The following BMP5 variants were observed in gnomAD, a reference collection of about 807,000 sequenced individuals.
BMP5 encodes bone morphogenetic protein 5.
In BMP5, 23 loss-of-function variants were observed where a neutral mutation model predicts 46.6. That is an observed-to-expected ratio of 0.49 (90% confidence interval 0.35 to 0.70). BMP5 has a LOEUF of 0.70. Ranked by LOEUF, BMP5 falls within the 30% of genes least tolerant of loss-of-function variation. The probability of loss-of-function intolerance (pLI) is 0.00; values close to 1 mark genes in which losing one functional copy is unlikely to be tolerated. For missense variants in BMP5, 545 were observed against 565.6 expected, an observed-to-expected ratio of 0.96 and a Z score of 0.37; for synonymous variants, 204 against 191.9, an observed-to-expected ratio of 1.06 and a Z score of -0.52.
At chr6:55,812,531 C>T (rs1776160238) in intron 2 of BMP5, among the ~76,000 whole-genome samples, 1 of 152,176 alleles carries the variant, frequency 6.6e-6, no homozygotes. Context: ...ATCTCCCTTA[C>T]CCAGCCAGTC....
Position 55,763,835 on chromosome 6 carries a change from T to C in BMP5, c.1028-3302A>G, listed in dbSNP as rs1436322685. On this transcript the variant is annotated intron_variant, in intron 4 of 6. Coordinates refer to ENST00000370830, the MANE Select transcript of BMP5 (RefSeq NM_021073.4). ...ATAGTAAACATATTGCTAAATACTT[T>C]ATGCAAATTTCTTTATGGTCAATTT... 3.3e-5 allele frequency among the ~76,000 whole-genome samples: 5 copies of C among 152,222 alleles called. No homozygotes were observed. In the East Asian group the frequency reaches 7.7e-4, roughly 23 times the overall value.
At chr6:55,870,778 G>C (rs144998880) in intron 1 of BMP5, among the ~76,000 whole-genome samples, 1 of 151,974 alleles carries the variant, frequency 6.6e-6, no homozygotes, top group Non-Finnish European at 1.5e-5. Context: ...GGCAAAAAAG[G>C]TTTAGTTTTT....
rs549796941 is a variant in BMP5, at chr6:55,855,722, CA to C, written c.490+18653del. The stretch of plus-strand genomic sequence containing the variant: ...TATTCTGATATTTTTCTTTTGGTAC[CA>C]AACTTCCAAACACATTAATTTATCA... On this transcript the variant is annotated intron_variant, in intron 1 of 6. Transcript: ENST00000370830. 4.9e-4 allele frequency among the ~76,000 whole-genome samples: 74 copies of C among 152,070 alleles called. No homozygotes were observed. The Middle Eastern group carries it at 0.021, about 42-fold the overall frequency.
At chr6:55,841,073 T>C (rs1776936321) in intron 1 of BMP5, among the ~76,000 whole-genome samples, 1 of 152,154 alleles carries the variant, frequency 6.6e-6, no homozygotes, top group African/African-American at 2.4e-5. Flanking sequence ...TAACTGTGCA[T>C]GCAAGGGATC....
chr6:55,873,028 C>T (rs1777821080), intron 1 of BMP5, among the ~76,000 whole-genome samples: 1 of 151,814 alleles, frequency 6.6e-6, no homozygotes, highest in Non-Finnish European at 1.5e-5. Flanking sequence ...ATTAGTGCAA[C>T]AAATTATGAC....
chr6:55,779,242 G>C (rs939112912), intron 3 of BMP5, among the ~76,000 whole-genome samples: 2 of 151,998 alleles, frequency 1.3e-5, no homozygotes, highest in Non-Finnish European at 2.9e-5. Context: ...ATATCACTTT[G>C]AGATGTTAGC....
At chr6:55,823,619 G>T (rs1036379441) in intron 1 of BMP5, among the ~76,000 whole-genome samples, 1 of 151,904 alleles carries the variant, frequency 6.6e-6, no homozygotes, top group African/African-American at 2.4e-5. Context: ...TAACACAGCC[G>T]GAGTGTGTTT....
chr6:55,798,564 G>A (rs982504262), intron 2 of BMP5, among the ~76,000 whole-genome samples: 2 of 151,940 alleles, frequency 1.3e-5, no homozygotes, highest in Admixed American at 6.6e-5. Context: ...TTCCTCTATG[G>A]TTAATAAAGT....
Position 55,774,162 on chromosome 6 carries a change from A to C in BMP5, c.914T>G (p.Phe305Cys). Reference sequence around the variant, plus strand: ...TCGAAGAAGTACCTCACTCGCCTTGAAGAAGGCCACCATGAATGGTTGTTT... The same window carrying C: ...TCGAAGAAGTACCTCACTCGCCTTGCAGAAGGCCACCATGAATGGTTGTTT... ...QSKQPFMVAFFKASEVLLRSV... is the reference protein window; with the variant it reads ...QSKQPFMVAFCKASEVLLRSV... Residue 305 changes from phenylalanine (F) to cysteine (C), a missense_variant, in exon 4 of 7, where the codon TTC becomes TGC. Physicochemically the swap from Phe to Cys is radical, Grantham distance 205 (BLOSUM62 -2). Coordinates refer to ENST00000370830, the MANE Select transcript of BMP5 (RefSeq NM_021073.4). 1 of 1,613,116 alleles carries C rather than the reference A, an allele frequency of 6.2e-7. No homozygotes were observed. Among genetic ancestry groups the C allele is most frequent in the Non-Finnish European group, 8.5e-7 (1 of 1,179,424 alleles).
At chr6:55,759,171 A>AAAAAAAAAAAAAAAAAAAAAAAAAAAAC in intron 5 of BMP5, 56 bp from the exon 6 acceptor site, 3 of 829,912 alleles carry the variant, frequency 3.6e-6, no homozygotes, top group South Asian at 3.3e-5. Context: ...AAAAAAAAAA[A>AAAAAAAAAAAAAAAAAAAAAAAAAAAAC]AAAAAAAAAA....
Position 55,874,837 on chromosome 6 carries a change from C to A in BMP5, c.29G>T (p.Gly10Val). The change falls in exon 1 of 7, where the codon GGT becomes GTT. Residue 10 changes from glycine to valine, a missense_variant. By Grantham distance (109) the Gly-to-Val change is moderately radical. Transcript: ENST00000370830. MHLTVFLLK[G>V]IVGFLWSCWV... ...GCAGCTCCAGAGGAAACCCACAATA[C>A]CCTTAAGTAAAAATACAGTCAGATG... The A allele has an allele frequency of 6.2e-7, 1 of 1,613,096 alleles. No individual in the cohort carries two copies. Among genetic ancestry groups the A allele is most frequent in the Non-Finnish European group, 8.5e-7 (1 of 1,179,516 alleles).
At chr6:55,834,309 G>A (rs145024418) in intron 1 of BMP5, among the ~76,000 whole-genome samples, 1 of 152,136 alleles carries the variant, frequency 6.6e-6, no homozygotes, top group African/African-American at 2.4e-5. Flanking sequence ...CTTTAATCCT[G>A]CTTTTCATTA....
chr6:55,841,697 C>A (rs1776962798), intron 1 of BMP5, among the ~76,000 whole-genome samples: 1 of 152,184 alleles, frequency 6.6e-6, no homozygotes, highest in Non-Finnish European at 1.5e-5. Flanking sequence ...TCTGTGCATA[C>A]ACACCCCCTG....
At chr6:55,772,342 T>C (rs552243314) in intron 4 of BMP5, among the ~76,000 whole-genome samples, 12 of 151,880 alleles carry the variant, frequency 7.9e-5, no homozygotes, top group Non-Finnish European at 1.6e-4. Context: ...ATGATTTCAG[T>C]CACCGGAACA....
intron 1 of BMP5, among the ~76,000 whole-genome samples, chr6:55,824,059 T>A (rs1049569843): frequency 1.3e-5 from 2 of 151,928 alleles, no homozygotes; most frequent in Non-Finnish European, 2.9e-5. Flanking sequence ...TTACCAGAGC[T>A]GCTACCAAAA....
chr6:55,853,152 TAAAATAAAATAAAATAA>T (rs1196822715), intron 1 of BMP5, among the ~76,000 whole-genome samples: 1 of 21,010 alleles, frequency 4.8e-5, no homozygotes, highest in Non-Finnish European at 8.2e-5. Flanking sequence ...TAAAATAAAA[TAAAATAAAATAAAATAA>T]AATAAAATAA....
At position 55,819,800 on chromosome 6, in the gene BMP5, A is replaced by G; in HGVS notation, c.538T>C (p.Phe180Leu). ...FSHQRRHYKE[F>L]RFDLTQIPHG... is the part of the protein sequence containing the mutation. ...GGAATTTGGGTAAGATCAAATCGAA[A>G]TTCTTTGTAATGCCTTCGCTGGTGA... Residue 180 changes from phenylalanine (F) to leucine (L), a missense_variant, in exon 2 of 7, where the codon TTT (phenylalanine) becomes CTT (leucine). Transcript: ENST00000370830. 1 of 1,613,860 alleles carries G rather than the reference A, an allele frequency of 6.2e-7. No homozygotes were observed. Among genetic ancestry groups the G allele is most frequent in the Non-Finnish European group, 8.5e-7 (1 of 1,179,916 alleles).
chr6:55,818,963 CAGACAGACAGAT>C (rs1377943787), intron 2 of BMP5, among the ~76,000 whole-genome samples: 2 of 151,834 alleles, frequency 1.3e-5, no homozygotes, highest in African/African-American at 4.8e-5. Flanking sequence ...GACAGACAGA[CAGACAGACAGAT>C]AGATAGATAG....
intron 1 of BMP5, among the ~76,000 whole-genome samples, chr6:55,868,525 G>GT (rs1319446013): frequency 1.3e-5 from 2 of 152,022 alleles, no homozygotes; most frequent in Admixed American, 6.6e-5. Flanking sequence ...TGTTTTTGTT[G>GT]TTTTTTTCTC....
Sources: gnomAD v4.1 joint callset for allele counts (sites outside exome capture counted in the v4.1 genomes callset) on GRCh38, gnomAD v4.1.1 for gene constraint, MANE v1.5 for transcripts, NCBI Gene and HGNC (gene_info 2026-07-23, HGNC 2026-07-21) for gene names.